The following FGF17 variants were observed in gnomAD, a reference collection of about 807,000 sequenced individuals.
FGF17 encodes fibroblast growth factor 17.
In FGF17, 5 loss-of-function variants were observed where a neutral mutation model predicts 23.5. The ratio of observed to expected loss-of-function variants is 0.21; its 90% CI spans 0.11 to 0.45. FGF17 has a LOEUF of 0.45. FGF17 is among the 20% of genes least tolerant of loss of function. FGF17 has a pLI of 0.99. For synonymous variants in FGF17, 136 were observed against 123.0 expected (o/e 1.11, Z -0.70); for missense variants, 221 against 306.9 (o/e 0.72, Z 2.09).
intron 2 of FGF17, among the ~76,000 whole-genome samples, chr8:22,044,282 A>G (rs1196727430): frequency 6.6e-6 from 1 of 151,620 alleles, no homozygotes; most frequent in Non-Finnish European, 1.5e-5. Flanking sequence ...CCCCCCTGGG[A>G]GGGGGGGCCA....
At chr8:22,044,312 T>G (rs929116565) in intron 2 of FGF17, among the ~76,000 whole-genome samples, 3 of 151,898 alleles carry the variant, frequency 2.0e-5, no homozygotes, top group Admixed American at 6.5e-5. Flanking sequence ...ACCACAGCCA[T>G]GCTTGAGGGG....
intron 2 of FGF17, 77 bp from the exon 3 acceptor site, chr8:22,046,037 C>T (rs752737164): frequency 3.7e-6 from 6 of 1,612,472 alleles, no homozygotes; most frequent in Non-Finnish European, 5.1e-6. Flanking sequence ...CACCTCCTCA[C>T]CCCTCTCCCT....
intron 2 of FGF17, 168 bp from the exon 3 acceptor site, chr8:22,045,946 C>G (rs777699502): frequency 6.6e-7 from 1 of 1,526,238 alleles, no homozygotes; most frequent in African/African-American, 1.4e-5. Flanking sequence ...AGGTTATGAC[C>G]GGCTCACCCA....
upstream of FGF17, among the ~76,000 whole-genome samples, chr8:22,041,133 G>C (rs1800730676): frequency 6.6e-6 from 1 of 152,142 alleles, no homozygotes; most frequent in Admixed American, 6.5e-5. Context: ...GACATTCTTT[G>C]AGTTGCATTC....
chr8:22,040,569 A>C (rs1800722207), upstream of FGF17, among the ~76,000 whole-genome samples: 1 of 152,242 alleles, frequency 6.6e-6, no homozygotes. Context: ...GACTGCTGGC[A>C]TCTGTTACCA....
At chr8:22,045,791 C>T (rs1363413185) in intron 2 of FGF17, 3 of 1,264,338 alleles carry the variant, frequency 2.4e-6, no homozygotes, top group Admixed American at 6.9e-5. Context: ...CCGTGCACCT[C>T]CTTCATAGAA....
At chr8:22,045,366 C>T (rs1800842716) in intron 2 of FGF17, 1 of 987,828 alleles carries the variant, frequency 1.0e-6, no homozygotes, top group Non-Finnish European at 1.2e-6. Context: ...CCTCCCTCCG[C>T]TAAGGAGGCA....
chr8:22,043,890 G>T (rs374607143), intron 2 of FGF17, among the ~76,000 whole-genome samples: 1 of 152,138 alleles, frequency 6.6e-6, no homozygotes, highest in African/African-American at 2.4e-5. Context: ...GGGAGAGATC[G>T]CTTGGCTTTC....
At chr8:22,046,038 C>T (rs1800858429) in intron 2 of FGF17, 76 bp from the exon 3 acceptor site, 2 of 1,612,638 alleles carry the variant, frequency 1.2e-6, no homozygotes, top group Non-Finnish European at 1.7e-6. Context: ...ACCTCCTCAC[C>T]CCTCTCCCTT....
At chr8:22,041,135 G>A (rs1322768937), upstream of FGF17, among the ~76,000 whole-genome samples, 1 of 152,130 alleles carries the variant, frequency 6.6e-6, no homozygotes, top group African/African-American at 2.4e-5. Flanking sequence ...CATTCTTTGA[G>A]TTGCATTCCA....
chr8:22,043,251 C>G, intron 2 of FGF17, 70 bp downstream of exon 2: 1 of 1,487,986 alleles, frequency 6.7e-7, no homozygotes, highest in Non-Finnish European at 9.3e-7. Context: ...GTGCAAGGGA[C>G]CGGCTCCTTT....
rs960212139 is a variant in FGF17 at position 22,046,239 on chromosome 8, G to A, written c.198G>A (p.Val66=). The A allele has an allele frequency of 1.2e-6, 2 of 1,613,978 alleles. No homozygotes were observed. The highest frequency in any genetic ancestry group is 1.1e-5 in the South Asian group (1 of 91,086). ...ACAGCAGGACCAGTGGCAAGCACGT[G>A]CAGGTCACCGGGCGTCGCATCTCCG... The part of the protein sequence containing the change: ...QLYSRTSGKH[V]QVTGRRISAT... The change falls in exon 3 of 5, where the codon GTG becomes GTA. Residue 66 remains valine, a synonymous_variant. Transcript: ENST00000359441.
intron 2 of FGF17, chr8:22,045,466 G>C (rs1202500945): frequency 1.0e-6 from 1 of 990,594 alleles, no homozygotes; most frequent in African/African-American, 1.7e-5. Flanking sequence ...GAAGGGCCCT[G>C]AGCACCAGGG....
upstream of FGF17, among the ~76,000 whole-genome samples, chr8:22,041,957 A>AGGGACAGGCACT: frequency 6.6e-6 from 1 of 152,214 alleles, no homozygotes; most frequent in Non-Finnish European, 1.5e-5. Context: ...GAGAGGCTCT[A>AGGGACAGGCACT]GGGACAGGCA....
At chr8:22,043,747 A>G (rs1321119745) in intron 2 of FGF17, among the ~76,000 whole-genome samples, 1 of 121,742 alleles carries the variant, frequency 8.2e-6, no homozygotes, top group African/African-American at 3.1e-5. Context: ...CCCCACCCCA[A>G]GTCGGCCCCC....
At position 22,048,262 on chromosome 8, in the gene FGF17, G is replaced by C; in HGVS notation, c.*13G>C. 6 of 1,579,408 alleles carry C rather than the reference G, an allele frequency of 3.8e-6. No homozygotes were observed. Among genetic ancestry groups the C allele is most frequent in the South Asian group, 2.3e-5 (2 of 88,268 alleles). ...GCCCCTCACGTAGTCTGGGAGGCAG[G>C]GGGCAGCAGCCCCTGGGCCGCCTCC... On this transcript the variant is annotated 3_prime_UTR_variant, in exon 5 of 5. Transcript: ENST00000359441. This position sits in a 1 kb window ranked among gnomAD's most constrained non-coding sequence, Gnocchi z 6.9.
In FGF17 at chr8:22,046,164, C is replaced by T. The variant is rs1348453299; in HGVS notation, c.123C>T (p.Gly41=). 6 of 1,614,060 alleles carry T rather than the reference C, an allele frequency of 3.7e-6. No individual in the cohort carries two copies. The highest frequency in any genetic ancestry group is 1.6e-4 in the Middle Eastern group (1 of 6,084). The change falls in exon 3 of 5, where the codon GGC becomes GGT. Residue 41 remains glycine, a synonymous_variant. Coordinates refer to ENST00000359441, the MANE Select transcript of FGF17 (RefSeq NM_003867.4). ...PNFNQYVRDQ[G]AMTDQLSRRQ... ...TTAACCAGTACGTGAGGGACCAGGGCGCCATGACCGACCAGCTGAGCAGGC... is the reference window on the plus strand; with the variant it reads ...TTAACCAGTACGTGAGGGACCAGGGTGCCATGACCGACCAGCTGAGCAGGC...
upstream of FGF17, chr8:22,042,692 C>G: frequency 1.7e-6 from 1 of 604,404 alleles, no homozygotes; most frequent in Non-Finnish European, 2.9e-6. Flanking sequence ...TGCTTTGCAG[C>G]CTCACTGGCC....
chr8:22,045,804 C>A, intron 2 of FGF17: 1 of 1,289,254 alleles, frequency 7.8e-7, no homozygotes. Flanking sequence ...TCATAGAATA[C>A]GAGGACGGGA....
Sources: allele counts gnomAD v4.1 joint callset (sites outside exome capture counted in the v4.1 genomes callset), GRCh38; gene constraint gnomAD v4.1.1; non-coding constraint Gnocchi (gnomAD v3.1); transcripts MANE v1.5; gene names NCBI Gene and HGNC (gene_info 2026-07-23, HGNC 2026-07-21).